The following KPNA6 variants were observed in gnomAD, a reference collection of about 807,000 sequenced individuals.
KPNA6 encodes the protein karyopherin subunit alpha 6, also known as importin subunit alpha-7.
In KPNA6, 9 loss-of-function variants were observed where a neutral mutation model predicts 72.0. That is an observed-to-expected ratio of 0.13 (90% CI 0.08 to 0.22). The LOEUF (loss-of-function observed/expected upper bound fraction) is 0.22. Ranked by LOEUF, KPNA6 falls within the 10% of genes least tolerant of loss-of-function variation. The probability of loss-of-function intolerance (pLI) is 1.00; values close to 1 mark genes in which losing one functional copy is unlikely to be tolerated. For missense variants in KPNA6, 374 were observed against 655.7 expected, an observed-to-expected ratio of 0.57 and a Z score of 4.69; for synonymous variants, 219 against 242.1, an observed-to-expected ratio of 0.90 and a Z score of 0.89.
rs1287279341 is a variant in KPNA6, at chr1:32,171,403, T to C, written c.*509T>C. ...AAGGGAGAAATCCAAAACAAAGTGT[T>C]CTTGCTCTGACAGAATATTAATCTT... On this transcript the variant is annotated 3_prime_UTR_variant, in exon 14 of 14. Coordinates refer to ENST00000373625, the MANE Select transcript of KPNA6 (RefSeq NM_012316.5). 1 of 152,746 alleles carries C rather than the reference T, an allele frequency of 6.5e-6. No individual in the cohort carries two copies. Among genetic ancestry groups the C allele is most frequent in the African/African-American group, 2.4e-5 (1 of 41,442 alleles). 9.5% of individuals were successfully genotyped at this position (152,746 alleles called of 1,614,324 possible).
chr1:32,159,631 G>C, intron 6 of KPNA6, 100 bp downstream of exon 6: 1 of 1,357,290 alleles, frequency 7.4e-7, no homozygotes. Context: ...TAAAACTCTT[G>C]GAATTTCCTG....
At chr1:32,128,235 A>G (rs2124532442) in intron 1 of KPNA6, among the ~76,000 whole-genome samples, 1 of 150,398 alleles carries the variant, frequency 6.6e-6, no homozygotes, top group South Asian at 2.1e-4. Context: ...TCTCCCCTCC[A>G]CCTCTTACCT....
intron 1 of KPNA6, among the ~76,000 whole-genome samples, chr1:32,150,247 C>T (rs1428296808): frequency 2.7e-5 from 4 of 150,132 alleles, no homozygotes; most frequent in East Asian, 2.0e-4. Flanking sequence ...ATTCTCCTTC[C>T]TCAGCCTCCC....
At chr1:32,154,096 G>A (rs1005914685) in intron 1 of KPNA6, among the ~76,000 whole-genome samples, 11 of 151,516 alleles carry the variant, frequency 7.3e-5, no homozygotes, top group African/African-American at 2.4e-4. Flanking sequence ...GCAGTGAGTC[G>A]ATACCGTGCC....
chr1:32,168,450 A>G (rs1002998755), intron 12 of KPNA6, among the ~76,000 whole-genome samples: 7 of 152,218 alleles, frequency 4.6e-5, no homozygotes, highest in Non-Finnish European at 7.3e-5. Context: ...TTGGCCTCCC[A>G]GAGTGCTGGG....
intron 1 of KPNA6, among the ~76,000 whole-genome samples, chr1:32,128,608 T>C (rs1467037686): frequency 6.6e-6 from 1 of 151,824 alleles, no homozygotes. Flanking sequence ...GTGAAGATGC[T>C]ACCAGAATAT....
chr1:32,165,384 T>A (rs1349331656), intron 10 of KPNA6, among the ~76,000 whole-genome samples: 1 of 152,048 alleles, frequency 6.6e-6, no homozygotes, highest in Non-Finnish European at 1.5e-5. Context: ...AGTTTTTCAT[T>A]TTGATTAAGT....
chr1:32,170,933 CCAG>C lies in KPNA6; in HGVS notation c.*41_*43del. ...GGAGGGGAGGGGATGGGAAGCACCA[CCAG>C]CCAGCGGAAGAGCAGCCCTCTGGTG... is the stretch of plus-strand genomic sequence containing the variant. On this transcript the variant is annotated 3_prime_UTR_variant, in exon 14 of 14. Coordinates refer to ENST00000373625, the MANE Select transcript of KPNA6 (RefSeq NM_012316.5). The C allele has an allele frequency of 6.3e-7, 1 of 1,587,368 alleles. No homozygotes were observed. The highest frequency in any genetic ancestry group is 8.6e-7 in the Non-Finnish European group (1 of 1,157,144).
chr1:32,131,955 ATATT>A (rs1278433331), intron 1 of KPNA6, among the ~76,000 whole-genome samples: 2 of 150,768 alleles, frequency 1.3e-5, no homozygotes, highest in Non-Finnish European at 3.0e-5. Context: ...TTTATTTTTT[ATATT>A]TATTTATTTA....
chr1:32,136,181 C>CTTTTTTTTTTTTTT (rs759447035), intron 1 of KPNA6, among the ~76,000 whole-genome samples: 8,807 of 135,604 alleles, frequency 0.065, 419 homozygotes, highest in South Asian at 0.15. Flanking sequence ...TAGCTTCTCT[C>CTTTTTTTTTTTTTT]TTTTTTTTTT....
At chr1:32,149,950 G>A (rs1641998819) in intron 1 of KPNA6, among the ~76,000 whole-genome samples, 1 of 152,090 alleles carries the variant, frequency 6.6e-6, no homozygotes, top group South Asian at 2.1e-4. Context: ...CAAGAAGCTA[G>A]GCCATTCTTA....
intron 1 of KPNA6, among the ~76,000 whole-genome samples, chr1:32,115,182 C>G (rs1272160061): frequency 6.6e-6 from 1 of 151,866 alleles, no homozygotes; most frequent in Non-Finnish European, 1.5e-5. Flanking sequence ...GTTGCCCAGG[C>G]TGGAATGCAG....
chr1:32,118,113 G>A (rs1356404263), intron 1 of KPNA6, among the ~76,000 whole-genome samples: 1 of 151,868 alleles, frequency 6.6e-6, no homozygotes, highest in South Asian at 2.1e-4. Flanking sequence ...TAGTAGAGAC[G>A]GGGTTTCACC....
chr1:32,154,128 C>CA (rs1201698981), intron 1 of KPNA6, among the ~76,000 whole-genome samples: 2 of 151,584 alleles, frequency 1.3e-5, no homozygotes, highest in Admixed American at 6.6e-5. Context: ...GCCTGGGTGA[C>CA]AGAGTGAGAC....
chr1:32,111,752 C>G (rs1641246070), intron 1 of KPNA6, among the ~76,000 whole-genome samples: 1 of 152,154 alleles, frequency 6.6e-6, no homozygotes, highest in Non-Finnish European at 1.5e-5. Context: ...CTGTATCCTA[C>G]TAGCTCAGTC....
At chr1:32,155,315 C>CTTTTTTTTTTCT (rs1642118463) in intron 2 of KPNA6, among the ~76,000 whole-genome samples, 2 of 142,310 alleles carry the variant, frequency 1.4e-5, no homozygotes, top group South Asian at 2.3e-4. Context: ...CTTTTCTTTT[C>CTTTTTTTTTTCT]TTTTTTTTTT....
At chr1:32,109,191 TAG>T (rs1184784871) in intron 1 of KPNA6, among the ~76,000 whole-genome samples, 8 of 152,104 alleles carry the variant, frequency 5.3e-5, no homozygotes, top group East Asian at 1.9e-4. Flanking sequence ...TTGTTGTTGA[TAG>T]AGTCTTGCTC....
At chr1:32,169,654 G>T (rs1332632109) in intron 12 of KPNA6, among the ~76,000 whole-genome samples, 1 of 150,330 alleles carries the variant, frequency 6.7e-6, no homozygotes, top group Admixed American at 6.6e-5. Flanking sequence ...TAGAGACGGG[G>T]TTTCACCATG....
intron 11 of KPNA6, 97 bp from the exon 12 acceptor site, chr1:32,167,072 G>C (rs1008380406): frequency 1.2e-5 from 18 of 1,444,792 alleles, no homozygotes; most frequent in Non-Finnish European, 1.7e-5. Context: ...CCAGAATGGG[G>C]AAGATGTCTA....
Sources: allele counts gnomAD v4.1 joint callset (sites outside exome capture counted in the v4.1 genomes callset), GRCh38; gene constraint gnomAD v4.1.1; transcripts MANE v1.5; gene names NCBI Gene and HGNC (gene_info 2026-07-23, HGNC 2026-07-21).